The following KCNIP1 variants were observed in gnomAD, a reference collection of about 807,000 sequenced individuals.
KCNIP1 encodes potassium voltage-gated channel interacting protein 1.
Under a neutral mutation model 33.0 loss-of-function variants are expected in KCNIP1, and 18 were observed. That is an observed-to-expected ratio of 0.55 (90% CI 0.38 to 0.81). The LOEUF is 0.81. Among genes scored for constraint, KCNIP1 ranks in the 30% least tolerant of loss-of-function variants. The probability of loss-of-function intolerance (pLI) is 0.00; values close to 1 mark genes in which losing one functional copy is unlikely to be tolerated. For missense variants in KCNIP1, 238 were observed against 271.6 expected, an observed-to-expected ratio of 0.88 and a Z score of 0.87; for synonymous variants, 93 against 98.3, an observed-to-expected ratio of 0.95 and a Z score of 0.32.
intron 1 of KCNIP1, among the ~76,000 whole-genome samples, chr5:170,408,939 A>G (rs1755108544): frequency 6.6e-6 from 1 of 152,212 alleles, no homozygotes; most frequent in African/African-American, 2.4e-5. Context: ...CCTGGTCTCT[A>G]AAGGTGCCAT....
intron 1 of KCNIP1, among the ~76,000 whole-genome samples, chr5:170,477,634 C>G: frequency 6.6e-6 from 1 of 152,032 alleles, no homozygotes; most frequent in East Asian, 1.9e-4. Context: ...AGTAGAGACA[C>G]AGTTTCACCG....
chr5:170,464,240 T>A (rs1756563209), intron 1 of KCNIP1, among the ~76,000 whole-genome samples: 1 of 152,218 alleles, frequency 6.6e-6, no homozygotes, highest in Non-Finnish European at 1.5e-5. Flanking sequence ...ATTTACAAAT[T>A]GATTTATAGG....
chr5:170,581,462 T>C (rs1000536012), intron 1 of KCNIP1, among the ~76,000 whole-genome samples: 1 of 152,250 alleles, frequency 6.6e-6, no homozygotes, highest in Admixed American at 6.5e-5. Context: ...GGTCATGGTT[T>C]CCTGAAGTGC....
intron 1 of KCNIP1, among the ~76,000 whole-genome samples, chr5:170,487,060 G>C (rs1757110660): frequency 6.6e-6 from 1 of 152,170 alleles, no homozygotes; most frequent in Non-Finnish European, 1.5e-5. Flanking sequence ...TATATCTAGA[G>C]AGAGAAAGAG....
At chr5:170,534,685 AT>A (rs1018476606) in intron 1 of KCNIP1, among the ~76,000 whole-genome samples, 13 of 151,092 alleles carry the variant, frequency 8.6e-5, no homozygotes, top group East Asian at 3.9e-4. Flanking sequence ...TGCCCAGCTA[AT>A]TTTTTTTTAT....
intron 1 of KCNIP1, among the ~76,000 whole-genome samples, chr5:170,689,250 C>G (rs751033055): frequency 1.3e-5 from 2 of 152,166 alleles, no homozygotes; most frequent in Non-Finnish European, 2.9e-5. Flanking sequence ...GCTGGAGATA[C>G]AAAGATGCAT....
chr5:170,543,509 C>CT (rs1756292203), intron 1 of KCNIP1, among the ~76,000 whole-genome samples: 1 of 152,070 alleles, frequency 6.6e-6, no homozygotes, highest in Admixed American at 6.6e-5. Flanking sequence ...CAAGTGTTGA[C>CT]TTTGGGGGAG....
At chr5:170,603,464 G>A (rs1402103099) in intron 1 of KCNIP1, among the ~76,000 whole-genome samples, 1 of 152,206 alleles carries the variant, frequency 6.6e-6, no homozygotes, top group Non-Finnish European at 1.5e-5. Context: ...CCTGTGCTGG[G>A]AGCCAGGGAC....
chr5:170,629,733 C>T (rs1759981971), intron 1 of KCNIP1, among the ~76,000 whole-genome samples: 1 of 152,178 alleles, frequency 6.6e-6, no homozygotes, highest in Non-Finnish European at 1.5e-5. Flanking sequence ...GGCACCAGCA[C>T]CCATCCCCAC....
intron 5 of KCNIP1, among the ~76,000 whole-genome samples, chr5:170,728,270 G>T (rs978721436): frequency 3.9e-5 from 6 of 152,194 alleles, no homozygotes; most frequent in African/African-American, 1.4e-4. Context: ...ATGAAGAAAA[G>T]ATGAGGCAAG....
chr5:170,414,946 A>G (rs1755289127), intron 1 of KCNIP1, among the ~76,000 whole-genome samples: 1 of 152,228 alleles, frequency 6.6e-6, no homozygotes, highest in Admixed American at 6.5e-5. Context: ...GGTGTTGGGA[A>G]GGCTTCCAAT....
At chr5:170,363,713 T>C (rs1466368483) in intron 1 of KCNIP1, among the ~76,000 whole-genome samples, 4 of 152,212 alleles carry the variant, frequency 2.6e-5, no homozygotes, top group Non-Finnish European at 5.9e-5. Context: ...CAAACATATA[T>C]AACATTAAAT....
At chr5:170,394,105 G>A (rs1754689525) in intron 1 of KCNIP1, among the ~76,000 whole-genome samples, 1 of 152,128 alleles carries the variant, frequency 6.6e-6, no homozygotes, top group African/African-American at 2.4e-5. Context: ...AAGGAAGCAT[G>A]TGCCCTCTCC....
At chr5:170,719,202 C>A (rs1357074196) in intron 2 of KCNIP1, among the ~76,000 whole-genome samples, 1 of 152,128 alleles carries the variant, frequency 6.6e-6, no homozygotes, top group Non-Finnish European at 1.5e-5. Context: ...GTGGTGCCCC[C>A]ACAATAATGG....
At chr5:170,574,020 A>T (rs1476518225) in intron 1 of KCNIP1, among the ~76,000 whole-genome samples, 1 of 152,262 alleles carries the variant, frequency 6.6e-6, no homozygotes, top group Non-Finnish European at 1.5e-5. Context: ...GAGGGACCCA[A>T]GTGGGACCCC....
upstream of KCNIP1, chr5:170,503,985 CCCGCCGCCCCCTCCGCCGCCCCCT>C: frequency 1.1e-6 from 1 of 938,020 alleles, no homozygotes; most frequent in Non-Finnish European, 1.3e-6. Context: ...TAGTTGCCCG[CCCGCCGCCCCCTCCGCCGCCCCCT>C]CCGCCGCTCC....
At chr5:170,443,167 C>T (rs1207772625) in intron 1 of KCNIP1, among the ~76,000 whole-genome samples, 1 of 152,154 alleles carries the variant, frequency 6.6e-6, no homozygotes, top group East Asian at 1.9e-4. Flanking sequence ...GGATCACCAC[C>T]GAGGCACAGC....
At chr5:170,623,846 G>C (rs1247130409) in intron 1 of KCNIP1, among the ~76,000 whole-genome samples, 1 of 152,130 alleles carries the variant, frequency 6.6e-6, no homozygotes, top group Admixed American at 6.5e-5. Flanking sequence ...TCTTACATTG[G>C]GGGCCCTGAG....
At chr5:170,380,625 G>A (rs950009645) in intron 1 of KCNIP1, among the ~76,000 whole-genome samples, 2 of 152,226 alleles carry the variant, frequency 1.3e-5, no homozygotes, top group South Asian at 2.1e-4. Context: ...TGAGGCTGGG[G>A]AGACGCTGGC....
Sources: gnomAD v4.1 joint callset for allele counts (sites outside exome capture counted in the v4.1 genomes callset) on GRCh38, gnomAD v4.1.1 for gene constraint, MANE v1.5 for transcripts, NCBI Gene and HGNC (gene_info 2026-07-23, HGNC 2026-07-21) for gene names.